The following CNTNAP2 variants were observed in gnomAD, a reference collection of about 807,000 sequenced individuals.
CNTNAP2 encodes the protein contactin-associated protein-like 2.
A neutral mutation model predicts 155.2 loss-of-function variants in CNTNAP2; 98 were observed. The ratio of observed to expected loss-of-function variants is 0.63; its 90% CI spans 0.54 to 0.75. CNTNAP2 has a LOEUF of 0.75. CNTNAP2 is among the 30% of genes least tolerant of loss of function. The pLI, the probability that CNTNAP2 is intolerant of heterozygous loss-of-function variation, is 0.00. For missense variants in CNTNAP2, 1,727 were observed against 1,688.1 expected (o/e 1.02, Z -0.40); for synonymous variants, 651 against 631.2 (o/e 1.03, Z -0.47).
intron 11 of CNTNAP2, among the ~76,000 whole-genome samples, chr7:147,517,696 A>G (rs1268621829): frequency 6.6e-6 from 1 of 152,220 alleles, no homozygotes; most frequent in Non-Finnish European, 1.5e-5. Context: ...TGTCAGCATT[A>G]TTTGGCATTG....
chr7:148,410,560 T>A (rs1192809008), intron 23 of CNTNAP2, among the ~76,000 whole-genome samples: 2 of 87,530 alleles, frequency 2.3e-5, no homozygotes, highest in East Asian at 6.5e-4. Context: ...GATTGAGACC[T>A]TTCTCAAAAA....
At chr7:146,532,137 G>A (rs555860699) in intron 1 of CNTNAP2, among the ~76,000 whole-genome samples, 53 of 152,108 alleles carry the variant, frequency 3.5e-4, no homozygotes, top group African/African-American at 1.3e-3. Flanking sequence ...TTACAATGAG[G>A]AGAGAAATGA....
At chr7:148,368,931 G>A (rs950050379) in intron 21 of CNTNAP2, among the ~76,000 whole-genome samples, 3 of 152,092 alleles carry the variant, frequency 2.0e-5, no homozygotes, top group Non-Finnish European at 4.4e-5. Context: ...TAGGTCAGGC[G>A]GGCCCAGGCC....
chr7:146,906,836 A>G (rs1796140223), intron 3 of CNTNAP2, among the ~76,000 whole-genome samples: 2 of 151,156 alleles, frequency 1.3e-5, no homozygotes, highest in Non-Finnish European at 3.0e-5. Flanking sequence ...AGAAGGCTTC[A>G]GACGATCAAA....
chr7:148,152,111 C>A (rs1300810976), intron 17 of CNTNAP2, among the ~76,000 whole-genome samples: 1 of 152,032 alleles, frequency 6.6e-6, no homozygotes, highest in African/African-American at 2.4e-5. Context: ...AATGTAATTG[C>A]CTGAAGGGTT....
chr7:146,554,366 A>T (rs1798166058), intron 1 of CNTNAP2, among the ~76,000 whole-genome samples: 1 of 152,186 alleles, frequency 6.6e-6, no homozygotes. Context: ...AAGTTGTCTT[A>T]AAAATATTTT....
chr7:146,427,941 G>A (rs905744982), intron 1 of CNTNAP2, among the ~76,000 whole-genome samples: 10 of 152,052 alleles, frequency 6.6e-5, no homozygotes, highest in Non-Finnish European at 1.5e-4. Context: ...CCTGCCATGT[G>A]TCCATATGTT....
At chr7:147,620,711 A>G (rs1216895285) in intron 12 of CNTNAP2, among the ~76,000 whole-genome samples, 1 of 152,054 alleles carries the variant, frequency 6.6e-6, no homozygotes, top group Non-Finnish European at 1.5e-5. Context: ...AAGAGGAAAT[A>G]ATAATTTTTA....
chr7:146,425,985 A>C (rs1796080951), intron 1 of CNTNAP2, among the ~76,000 whole-genome samples: 1 of 151,868 alleles, frequency 6.6e-6, no homozygotes, highest in Non-Finnish European at 1.5e-5. Context: ...CAGGAATTTG[A>C]GACCAGCCTG....
At chr7:147,481,622 T>C (rs566738270) in intron 10 of CNTNAP2, among the ~76,000 whole-genome samples, 4 of 152,200 alleles carry the variant, frequency 2.6e-5, no homozygotes, top group Non-Finnish European at 5.9e-5. Context: ...ATAAAATGCA[T>C]TTGATTCTAA....
rs77511635 is a variant in CNTNAP2 at position 147,359,966 on chromosome 7, G to A, written c.1499-35643G>A. Among the ~76,000 whole-genome samples, 1,035 of 151,856 alleles carry A rather than the reference G, an allele frequency of 6.8e-3. 11 individuals carry two copies. Among genetic ancestry groups the A allele is most frequent in the African/African-American group, 0.024 (973 of 41,402 alleles). ...CTTGAATATAAACTTGATTATAAAC[G>A]TGAAAGTTCAAAGAATTTTGTCTGT... On this transcript the variant is annotated intron_variant, in intron 9 of 23. Transcript: ENST00000361727.
intron 15 of CNTNAP2, among the ~76,000 whole-genome samples, chr7:148,052,578 T>C (rs1021800165): frequency 1.3e-5 from 2 of 152,234 alleles, no homozygotes; most frequent in Non-Finnish European, 2.9e-5. Flanking sequence ...TTTTCACCTC[T>C]AAAATTATAT....
chr7:148,148,183 T>C (rs1805230586), intron 17 of CNTNAP2, among the ~76,000 whole-genome samples: 1 of 152,110 alleles, frequency 6.6e-6, no homozygotes, highest in African/African-American at 2.4e-5. Flanking sequence ...TTCTCAAGGT[T>C]CTAGGCAGAG....
intron 3 of CNTNAP2, among the ~76,000 whole-genome samples, chr7:146,975,284 G>A (rs1200871159): frequency 1.3e-5 from 2 of 152,034 alleles, no homozygotes; most frequent in African/African-American, 2.4e-5. Context: ...GGCCAACATG[G>A]CAAAACCCCG....
chr7:147,504,215 C>T (rs1214498894), intron 11 of CNTNAP2, among the ~76,000 whole-genome samples: 1 of 152,082 alleles, frequency 6.6e-6, no homozygotes, highest in Non-Finnish European at 1.5e-5. Flanking sequence ...TAGCTCCTGA[C>T]ATGAGTCCCC....
chr7:148,025,207 T>A (rs1802354651), intron 15 of CNTNAP2, among the ~76,000 whole-genome samples: 1 of 152,140 alleles, frequency 6.6e-6, no homozygotes, highest in African/African-American at 2.4e-5. Flanking sequence ...TTAGATAATA[T>A]CCATATGGTC....
At chr7:147,730,906 A>G (rs1046200568) in intron 13 of CNTNAP2, among the ~76,000 whole-genome samples, 6 of 152,108 alleles carry the variant, frequency 3.9e-5, no homozygotes, top group Non-Finnish European at 8.8e-5. Context: ...GCTGATATGG[A>G]GAAAGTTTTG....
At chr7:147,979,621 T>G (rs989215605) in intron 15 of CNTNAP2, among the ~76,000 whole-genome samples, 3 of 152,148 alleles carry the variant, frequency 2.0e-5, no homozygotes, top group Non-Finnish European at 4.4e-5. Flanking sequence ...CTGTTTTGTT[T>G]TGCTTTATTT....
chr7:146,633,832 G>GAAAAAAAAAAAAAAAAAAAAAA (rs60993956), intron 1 of CNTNAP2, among the ~76,000 whole-genome samples: 7 of 79,038 alleles, frequency 8.9e-5, no homozygotes, highest in African/African-American at 2.4e-4. Context: ...TGCATCTAGA[G>GAAAAAAAAAAAAAAAAAAAAAA]AAAAAAAAAA....
Sources: gnomAD v4.1 joint callset for allele counts (sites outside exome capture counted in the v4.1 genomes callset) on GRCh38, gnomAD v4.1.1 for gene constraint, MANE v1.5 for transcripts, NCBI Gene and HGNC (gene_info 2026-07-23, HGNC 2026-07-21) for gene names.